The following GLYR1 variants were observed in gnomAD, a reference collection of about 807,000 sequenced individuals.
The protein encoded by GLYR1 is glyoxylate reductase 1 homolog.
A neutral mutation model predicts 72.7 loss-of-function variants in GLYR1; 21 were observed. That is an observed-to-expected ratio of 0.29 (90% CI 0.20 to 0.42). The LOEUF is 0.42. Ranked by LOEUF, GLYR1 falls within the 10% of genes least tolerant of loss-of-function variation. The probability of loss-of-function intolerance (pLI) is 1.00; values close to 1 mark genes in which losing one functional copy is unlikely to be tolerated. For synonymous variants in GLYR1, 392 were observed against 270.2 expected, an observed-to-expected ratio of 1.45 and a Z score of -4.42; for missense variants, 594 against 712.1, an observed-to-expected ratio of 0.83 and a Z score of 1.89.
At chr16:4,819,604 C>T (rs888462573) in intron 9 of GLYR1, among the ~76,000 whole-genome samples, 2 of 152,176 alleles carry the variant, frequency 1.3e-5, no homozygotes, top group African/African-American at 2.4e-5. Flanking sequence ...AGCTACTGCG[C>T]TTGGCCATGT....
rs371142192 is a variant in GLYR1 at position 4,814,411 on chromosome 16, C to A, written c.1017+126G>T. 6.6e-5 allele frequency: 48 copies of A among 726,730 alleles called. No homozygotes were observed. The South Asian group carries it at 7.2e-4, about 11-fold the overall frequency. The allele number at this position is 726,730 out of a possible 1,614,324, so 45.0% of individuals were successfully genotyped here. A position where few individuals can be genotyped will look rare whatever the true frequency, so the allele number is the denominator to read the frequency against. Reference sequence around the variant, plus strand: ...AACACCCTTCACAATGGGAGATGGCCCCTGATGGGAAATTCAGCCCCCCAC... The same window carrying A: ...AACACCCTTCACAATGGGAGATGGCACCTGATGGGAAATTCAGCCCCCCAC... On this transcript the variant is annotated intron_variant, in intron 11 of 15. Transcript: ENST00000321919.
chr16:4,825,567 T>C (rs1331429465), intron 5 of GLYR1, among the ~76,000 whole-genome samples: 1 of 152,268 alleles, frequency 6.6e-6, no homozygotes, highest in Non-Finnish European at 1.5e-5. Flanking sequence ...TAGGGCTTAC[T>C]ATGTGCTAGA....
intron 5 of GLYR1, among the ~76,000 whole-genome samples, chr16:4,826,539 C>T (rs931168911): frequency 1.3e-4 from 20 of 152,212 alleles, no homozygotes; most frequent in Non-Finnish European, 2.1e-4. Context: ...GAAGGAGCCT[C>T]GTCTGACTTT....
chr16:4,830,540 G>T (rs913057049), intron 5 of GLYR1, among the ~76,000 whole-genome samples: 1 of 152,178 alleles, frequency 6.6e-6, no homozygotes, highest in Non-Finnish European at 1.5e-5. Flanking sequence ...GTCAGCTACA[G>T]TTGCTTCCAT....
At chr16:4,847,134 G>T in intron 1 of GLYR1, 94 bp downstream of exon 1, 1 of 1,149,612 alleles carries the variant, frequency 8.7e-7, no homozygotes, top group Non-Finnish European at 1.3e-6. Flanking sequence ...GACCTGGAGC[G>T]CATAAAAAGG....
chr16:4,832,182 T>C lies in GLYR1; in HGVS notation c.334A>G (p.Asn112Asp). The C allele has an allele frequency of 6.2e-7, 1 of 1,614,206 alleles. No individual in the cohort carries two copies. The highest frequency in any genetic ancestry group is 1.3e-5 in the African/African-American group (1 of 75,058). ...GGCCTACTTCTCTCCTCACTGGAAT[T>C]ACGTCGATTCTTGTCATCAGAAGAA... Reference protein sequence around the residue: ...HNSSDDKNRRNSSEERSRPNS... With the variant: ...HNSSDDKNRRDSSEERSRPNS... Residue 112 changes from asparagine to aspartate, a missense_variant, in exon 5 of 16, where the codon AAT becomes GAT. Asn to Asp is a conservative substitution (Grantham distance 23, BLOSUM62 1). Coordinates refer to ENST00000321919, the MANE Select transcript of GLYR1 (RefSeq NM_032569.4).
At chr16:4,842,646 C>T (rs996313192) in intron 3 of GLYR1, among the ~76,000 whole-genome samples, 4 of 152,032 alleles carry the variant, frequency 2.6e-5, no homozygotes, top group Non-Finnish European at 4.4e-5. Flanking sequence ...CAGGCATGAG[C>T]CACTGTGCCC....
In GLYR1 at chr16:4,822,941, G is replaced by C. The variant is rs754470195; in HGVS notation, c.625-10C>G. The C allele has an allele frequency of 5.7e-5, 92 of 1,613,164 alleles. No homozygotes were observed. The highest frequency in any genetic ancestry group is 7.5e-5 in the Non-Finnish European group (89 of 1,179,206). ...CTGCATCTTTAACAGGCTGAAACCA[G>C]AAAACAGTGAAATAAAACCAGTTAT... On this transcript the variant is annotated splice_polypyrimidine_tract_variant and intron_variant, in intron 6 of 15. Coordinates refer to ENST00000321919, the MANE Select transcript of GLYR1 (RefSeq NM_032569.4).
intron 3 of GLYR1, among the ~76,000 whole-genome samples, chr16:4,833,405 T>C (rs1212092550): frequency 6.6e-6 from 1 of 152,164 alleles, no homozygotes; most frequent in Non-Finnish European, 1.5e-5. Flanking sequence ...GGGAACCAGA[T>C]TTATGATCTG....
At chr16:4,813,979 T>C (rs1032019260) in intron 11 of GLYR1, 141 bp from the exon 12 acceptor site, 1 of 594,916 alleles carries the variant, frequency 1.7e-6, no homozygotes, top group Non-Finnish European at 2.9e-6. Flanking sequence ...AACAATGAAA[T>C]AAGCAAGGGA....
At chr16:4,810,408 G>A (rs967800706) in intron 15 of GLYR1, among the ~76,000 whole-genome samples, 3 of 151,858 alleles carry the variant, frequency 2.0e-5, no homozygotes, top group Non-Finnish European at 4.4e-5. Flanking sequence ...TACTTGGGAG[G>A]CAGAGGCACA....
chr16:4,836,314 T>G (rs1343223235), intron 3 of GLYR1, among the ~76,000 whole-genome samples: 1 of 151,260 alleles, frequency 6.6e-6, no homozygotes, highest in Admixed American at 6.6e-5. Flanking sequence ...AAGGCTTTAG[T>G]GTTTTTGTTG....
chr16:4,814,561 C>A lies in GLYR1; in HGVS notation c.993G>T (p.Val331=), dbSNP rs753218032. The change falls in exon 11 of 16, where the codon GTG becomes GTT. Residue 331 remains valine (V), a synonymous_variant. Transcript: ENST00000321919. The part of the protein sequence containing the change: ...VSTCDITFAC[V]SDPKAAKDLV... ...CGTCCTTGGCCGCCTTGGGATCCGA[C>A]ACGCAGGCGAAAGTGATGTCGCAGG... 1 of 1,613,872 alleles carries A rather than the reference C, an allele frequency of 6.2e-7. No individual in the cohort carries two copies. The highest frequency in any genetic ancestry group is 8.5e-7 in the Non-Finnish European group (1 of 1,180,020).
chr16:4,821,558 T>C lies in GLYR1; in HGVS notation c.721A>G (p.Ile241Val). ...CYQAITKKLKICEEETGSTSI... is the reference protein window; with the variant it reads ...CYQAITKKLKVCEEETGSTSI... ...TGGAGCCTACATACCTCTTCACATA[T>C]TTTCAACTTCTTCGTGATTGCCTGG... The change falls in exon 8 of 16, where the codon ATA becomes GTA. Residue 241 changes from isoleucine (I) to valine (V), a missense_variant. Ile to Val is a conservative substitution (Grantham distance 29). Transcript: ENST00000321919. The C allele has an allele frequency of 6.2e-7, 1 of 1,614,064 alleles. No individual in the cohort carries two copies. Among genetic ancestry groups the C allele is most frequent in the East Asian group, 2.2e-5 (1 of 44,890 alleles).
chr16:4,825,987 G>A (rs2084358061), intron 5 of GLYR1, among the ~76,000 whole-genome samples: 1 of 152,070 alleles, frequency 6.6e-6, no homozygotes, highest in Non-Finnish European at 1.5e-5. Flanking sequence ...AGAAAACTAA[G>A]GCACACAGAG....
intron 3 of GLYR1, chr16:4,843,656 A>T: frequency 7.8e-7 from 1 of 1,286,462 alleles, no homozygotes; most frequent in South Asian, 1.2e-5. Flanking sequence ...TGGATGAGTG[A>T]AGAATACTGT....
At chr16:4,822,297 G>C (rs1239358384) in intron 7 of GLYR1, among the ~76,000 whole-genome samples, 1 of 151,898 alleles carries the variant, frequency 6.6e-6, no homozygotes, top group African/African-American at 2.4e-5. Context: ...ATGTTGGCCA[G>C]GCTGGTCTTG....
At chr16:4,826,196 T>C (rs1378407740) in intron 5 of GLYR1, among the ~76,000 whole-genome samples, 2 of 152,112 alleles carry the variant, frequency 1.3e-5, no homozygotes, top group Non-Finnish European at 2.9e-5. Context: ...TACAGGTGTG[T>C]GCCACTACGC....
intron 3 of GLYR1, among the ~76,000 whole-genome samples, chr16:4,838,584 A>T (rs535482052): frequency 6.8e-6 from 1 of 147,436 alleles, no homozygotes; most frequent in Admixed American, 6.8e-5. Context: ...CCACTGATGA[A>T]ACTTTTCTTT....
Sources: gnomAD v4.1 joint callset for allele counts (sites outside exome capture counted in the v4.1 genomes callset) on GRCh38, gnomAD v4.1.1 for gene constraint, MANE v1.5 for transcripts, NCBI Gene and HGNC (gene_info 2026-07-23, HGNC 2026-07-21) for gene names.